Variants in MYRIP observed in about 807,000 individuals in gnomAD.
MYRIP encodes rab effector MyRIP.
In MYRIP, 49 loss-of-function variants were observed where a neutral mutation model predicts 98.0. The ratio of observed to expected loss-of-function variants is 0.50; its 90% CI spans 0.40 to 0.63. The LOEUF (loss-of-function observed/expected upper bound fraction) is 0.63. Among genes scored for constraint, MYRIP ranks in the 30% least tolerant of loss-of-function variants. The pLI is 0.00. For synonymous variants in MYRIP, 404 were observed against 409.5 expected, an observed-to-expected ratio of 0.99 and a Z score of 0.16; for missense variants, 1,004 against 1,058.2, an observed-to-expected ratio of 0.95 and a Z score of 0.71.
At chr3:39,961,344 T>A (rs1945321723) in intron 2 of MYRIP, among the ~76,000 whole-genome samples, 1 of 152,150 alleles carries the variant, frequency 6.6e-6, no homozygotes, top group Non-Finnish European at 1.5e-5. Context: ...TATACTTCTG[T>A]CTTACTTCAG....
intron 1 of MYRIP, among the ~76,000 whole-genome samples, chr3:39,832,661 A>G (rs1362852432): frequency 6.6e-6 from 1 of 152,204 alleles, no homozygotes; most frequent in African/African-American, 2.4e-5. Flanking sequence ...TTAGGGTTCA[A>G]TCTGGAAGGA....
chr3:39,887,098 A>G (rs1420923321), intron 1 of MYRIP, among the ~76,000 whole-genome samples: 1 of 152,080 alleles, frequency 6.6e-6, no homozygotes, highest in Non-Finnish European at 1.5e-5. Flanking sequence ...TACTGGGTAC[A>G]TAACAAAATG....
chr3:39,944,242 C>G (rs1575401425), intron 2 of MYRIP, among the ~76,000 whole-genome samples: 1 of 152,058 alleles, frequency 6.6e-6, no homozygotes, highest in East Asian at 1.9e-4. Context: ...TACAGATGTA[C>G]TTCACAGATT....
chr3:40,029,688 T>C (rs555284544), intron 2 of MYRIP, among the ~76,000 whole-genome samples: 1 of 152,124 alleles, frequency 6.6e-6, no homozygotes, highest in Non-Finnish European at 1.5e-5. Flanking sequence ...TTGCAAATTA[T>C]GTATCTGATA....
intron 10 of MYRIP, 59 bp downstream of exon 10, chr3:40,190,522 T>A: frequency 2.0e-6 from 3 of 1,517,354 alleles, no homozygotes; most frequent in South Asian, 2.7e-5. Flanking sequence ...TGTGCCCTAC[T>A]CCAAGCACAA....
At position 40,059,552 on chromosome 3, in the gene MYRIP, CAT is replaced by C. The variant is rs750981429; in HGVS notation, c.332+15284_332+15285del. ...TGACCATTGATGATGAGCTTTTTTTCATATGTTTGTTGGCCGTATAAATGTCT... is the reference window on the plus strand; with the variant it reads ...TGACCATTGATGATGAGCTTTTTTTCATGTTTGTTGGCCGTATAAATGTCT... On this transcript the variant is annotated intron_variant, in intron 3 of 16. Transcript: ENST00000302541. 6.6e-4 allele frequency among the ~76,000 whole-genome samples: 101 copies of C among 152,086 alleles called. 2 individuals are homozygous for C. The highest frequency in any genetic ancestry group is 8.2e-4 in the Non-Finnish European group (56 of 67,962).
Position 39,889,245 on chromosome 3 carries a change from C to T in MYRIP, c.-30-11542C>T, listed in dbSNP as rs377601655. Among the ~76,000 whole-genome samples, 43 of 152,294 alleles carry T rather than the reference C, an allele frequency of 2.8e-4. No individual in the cohort carries two copies. In the East Asian group the frequency reaches 7.1e-3, roughly 25 times the overall value. ...ACATGCACACGTATGTTTATTGTGG[C>T]ATTATTCACAATAGCAAAGACTTGG... is the stretch of plus-strand genomic sequence containing the variant. On this transcript the variant is annotated intron_variant, in intron 1 of 16. Transcript: ENST00000302541.
intron 2 of MYRIP, among the ~76,000 whole-genome samples, chr3:39,941,163 G>A (rs1944774877): frequency 6.6e-6 from 1 of 152,112 alleles, no homozygotes. Flanking sequence ...AAAAAGAAAA[G>A]AGGCTTATTT....
chr3:40,223,902 G>C (rs1159339913), intron 11 of MYRIP, among the ~76,000 whole-genome samples: 2 of 152,176 alleles, frequency 1.3e-5, no homozygotes, highest in Non-Finnish European at 2.9e-5. Context: ...GTAGGGCAGA[G>C]GGCAGAGTCC....
intron 1 of MYRIP, among the ~76,000 whole-genome samples, chr3:39,839,273 T>C (rs891228001): frequency 4.0e-5 from 6 of 151,810 alleles, no homozygotes; most frequent in African/African-American, 1.5e-4. Flanking sequence ...TTTTTTTTTC[T>C]TAAGACGGAG....
intron 1 of MYRIP, among the ~76,000 whole-genome samples, chr3:39,849,185 G>A (rs1942055646): frequency 6.6e-6 from 1 of 152,184 alleles, no homozygotes; most frequent in Admixed American, 6.5e-5. Flanking sequence ...GCTACAACTT[G>A]CCTTGTCCTC....
intron 7 of MYRIP, among the ~76,000 whole-genome samples, 192 bp from the exon 8 acceptor site, chr3:40,169,758 G>C (rs1432141095): frequency 6.6e-6 from 1 of 152,180 alleles, no homozygotes; most frequent in Non-Finnish European, 1.5e-5. Flanking sequence ...TTTGTAAACT[G>C]TAAAATGCTT....
chr3:39,820,616 A>G (rs1417138815), intron 1 of MYRIP, among the ~76,000 whole-genome samples: 1 of 152,128 alleles, frequency 6.6e-6, no homozygotes, highest in Non-Finnish European at 1.5e-5. Flanking sequence ...AGAGATTTTG[A>G]TTTACTAGAA....
intron 2 of MYRIP, among the ~76,000 whole-genome samples, chr3:39,951,659 T>C (rs1945020594): frequency 6.6e-6 from 1 of 152,186 alleles, no homozygotes; most frequent in Admixed American, 6.6e-5. Context: ...TCTTTTGTTT[T>C]TTTTCCAACC....
chr3:39,816,846 GA>G (rs1267381854), intron 1 of MYRIP, among the ~76,000 whole-genome samples: 1 of 152,068 alleles, frequency 6.6e-6, no homozygotes, highest in African/African-American at 2.4e-5. Context: ...GAGGTCATTT[GA>G]TATTGTATAC....
At chr3:40,237,672 T>C (rs926113951) in intron 12 of MYRIP, among the ~76,000 whole-genome samples, 1 of 152,240 alleles carries the variant, frequency 6.6e-6, no homozygotes. Flanking sequence ...TGACTTCTCA[T>C]GCACAGGGTC....
chr3:39,813,576 G>A (rs1335185475), intron 1 of MYRIP, among the ~76,000 whole-genome samples: 2 of 152,202 alleles, frequency 1.3e-5, no homozygotes, highest in South Asian at 4.1e-4. Flanking sequence ...GCAAGCCGGA[G>A]TGAAGGTTAA....
chr3:40,073,985 T>C (rs994252725), intron 3 of MYRIP, among the ~76,000 whole-genome samples: 1 of 152,248 alleles, frequency 6.6e-6, no homozygotes, highest in Non-Finnish European at 1.5e-5. Flanking sequence ...TAGAACCCAA[T>C]ACTCTTTCCA....
intron 2 of MYRIP, among the ~76,000 whole-genome samples, chr3:39,901,615 A>G (rs1456959194): frequency 6.6e-6 from 1 of 152,182 alleles, no homozygotes; most frequent in Admixed American, 6.5e-5. Flanking sequence ...GTAGGTCAGT[A>G]TTAGTCTCCC....
Sources: gnomAD v4.1 joint callset for allele counts (sites outside exome capture counted in the v4.1 genomes callset) on GRCh38, gnomAD v4.1.1 for gene constraint, MANE v1.5 for transcripts, NCBI Gene and HGNC (gene_info 2026-07-23, HGNC 2026-07-21) for gene names.